TOMM20L: variants seen among roughly 807,000 people sequenced by gnomAD.
The protein encoded by TOMM20L is translocase of outer mitochondrial membrane 20 like, also known as TOMM20-like protein 1.
In TOMM20L, 19 loss-of-function variants were observed where a neutral mutation model predicts 20.4. That is an observed-to-expected ratio of 0.93 (90% CI 0.65 to 1.36). The LOEUF is 1.36. TOMM20L is among the 40% of genes most tolerant of loss of function. The pLI, the probability that TOMM20L is intolerant of heterozygous loss-of-function variation, is 0.00. For missense variants in TOMM20L, 218 were observed against 203.7 expected (o/e 1.07, Z -0.43); for synonymous variants, 75 against 79.6 (o/e 0.94, Z 0.30).
At chr14:58,398,204 AATT>A (rs1453395599) in intron 2 of TOMM20L, among the ~76,000 whole-genome samples, 1 of 152,154 alleles carries the variant, frequency 6.6e-6, no homozygotes, top group East Asian at 1.9e-4. Context: ...ACATTTGTGT[AATT>A]ATTTGATTAA....
intron 2 of TOMM20L, among the ~76,000 whole-genome samples, chr14:58,400,160 C>T (rs1944965101): frequency 6.6e-6 from 1 of 151,884 alleles, no homozygotes; most frequent in African/African-American, 2.4e-5. Flanking sequence ...AATCCCAGCA[C>T]TTTGAGAGGC....
At chr14:58,416,114 GC>G in the TOMM20L span, among the ~76,000 whole-genome samples, 4 of 151,698 alleles carry the variant, frequency 2.6e-5, no homozygotes, top group African/African-American at 9.7e-5. Context: ...TGTAATCCCA[GC>G]TACTCAGGTG....
At chr14:58,396,427 C>A in intron 2 of TOMM20L, 86 bp downstream of exon 2, 1 of 1,487,720 alleles carries the variant, frequency 6.7e-7, no homozygotes, top group Non-Finnish European at 9.2e-7. Flanking sequence ...GGCTCGGCAG[C>A]AGGTAGTTAG....
the TOMM20L span, among the ~76,000 whole-genome samples, chr14:58,413,837 C>T: frequency 1.2e-4 from 18 of 151,264 alleles, 1 homozygote; most frequent in African/African-American, 4.1e-4. Context: ...GAAACCCCGT[C>T]TTTACTAAAA....
In TOMM20L at chr14:58,408,667, TTTTAC is replaced by T. The variant is rs1369815615; in HGVS notation, c.*89_*93del. On this transcript the variant is annotated 3_prime_UTR_variant, in exon 5 of 5. Transcript: ENST00000360945. ...AACTGCTCAGTGATATTTCCATTTA[TTTTAC>T]TTTGAGTAATAAAAATTTTTCTATC... is the stretch of plus-strand genomic sequence containing the variant. 16 of 1,364,044 alleles carry T rather than the reference TTTTAC, an allele frequency of 1.2e-5. No individual in the cohort carries two copies. The highest frequency in any genetic ancestry group is 1.8e-4 in the Middle Eastern group (1 of 5,432). The allele number at this position is 1,364,044 out of a possible 1,614,324, so 84.5% of individuals were successfully genotyped here.
At chr14:58,413,980 C>A in the TOMM20L span, among the ~76,000 whole-genome samples, 1 of 108,990 alleles carries the variant, frequency 9.2e-6, no homozygotes, top group Non-Finnish European at 1.7e-5. Flanking sequence ...GCACTCCGGC[C>A]TGGGTGACAG....
Position 58,395,947 on chromosome 14 carries a change from C to A in TOMM20L, c.-11C>A. ...CGCCCAACGCTCGGCTTGTGGGACG[C>A]CCGCGGTCGGATGCCCTCCGTCCGC... On this transcript the variant is annotated 5_prime_UTR_variant, in exon 1 of 5. Coordinates refer to ENST00000360945, the MANE Select transcript of TOMM20L (RefSeq NM_207377.3). The A allele has an allele frequency of 7.2e-7, 1 of 1,385,016 alleles. No homozygotes were observed. The highest frequency in any genetic ancestry group is 9.4e-7 in the Non-Finnish European group (1 of 1,063,712). The allele number at this position is 1,385,016 out of a possible 1,614,324, so 85.8% of individuals were successfully genotyped here. A position where few individuals can be genotyped will look rare whatever the true frequency, so the allele number is the denominator to read the frequency against.
At chr14:58,412,659 G>T (rs1193111095), downstream of TOMM20L, among the ~76,000 whole-genome samples, 1 of 152,140 alleles carries the variant, frequency 6.6e-6, no homozygotes. Context: ...CCAGCACTTT[G>T]GGAGGCCAAG....
intron 3 of TOMM20L, among the ~76,000 whole-genome samples, chr14:58,406,532 C>T (rs1212715057): frequency 6.6e-6 from 1 of 152,126 alleles, no homozygotes; most frequent in Admixed American, 6.6e-5. Flanking sequence ...TATTTCAACT[C>T]CTGTGATTAC....
At chr14:58,400,243 T>TA in intron 2 of TOMM20L, among the ~76,000 whole-genome samples, 1 of 151,476 alleles carries the variant, frequency 6.6e-6, no homozygotes, top group Non-Finnish European at 1.5e-5. Context: ...CCATCTCTAC[T>TA]AAAAATGCAA....
chr14:58,407,753 G>C (rs1221463533), intron 4 of TOMM20L, among the ~76,000 whole-genome samples: 2 of 152,110 alleles, frequency 1.3e-5, no homozygotes, highest in African/African-American at 2.4e-5. Flanking sequence ...AATCACTTTG[G>C]TAAATTTAAA....
At position 58,395,935 on chromosome 14, in the gene TOMM20L, G is replaced by A; in HGVS notation, c.-23G>A. ...CCGGCCGGCCCGCGCCCAACGCTCG[G>A]CTTGTGGGACGCCCGCGGTCGGATG... On this transcript the variant is annotated 5_prime_UTR_variant, in exon 1 of 5. Transcript: ENST00000360945. 1.5e-6 allele frequency: 2 copies of A among 1,349,712 alleles called. No individual in the cohort carries two copies. Among genetic ancestry groups the A allele is most frequent in the African/African-American group, 1.5e-5 (1 of 65,910 alleles). 83.6% of individuals were successfully genotyped at this position (1,349,712 alleles called of 1,614,324 possible).
At chr14:58,401,367 C>G (rs959746267) in intron 2 of TOMM20L, among the ~76,000 whole-genome samples, 1 of 151,916 alleles carries the variant, frequency 6.6e-6, no homozygotes, top group Non-Finnish European at 1.5e-5. Flanking sequence ...GTCAGGAGAT[C>G]GAGACCATCC....
chr14:58,397,339 G>A (rs1286232663), intron 2 of TOMM20L, among the ~76,000 whole-genome samples: 4 of 152,174 alleles, frequency 2.6e-5, no homozygotes, highest in Admixed American at 2.6e-4. Context: ...TAGAACATGT[G>A]CCCATGTGGA....
chr14:58,403,140 T>C (rs1026344442), intron 3 of TOMM20L, among the ~76,000 whole-genome samples: 2 of 152,134 alleles, frequency 1.3e-5, no homozygotes, highest in African/African-American at 2.4e-5. Context: ...GAGGATTGCT[T>C]GAGGCCAACA....
chr14:58,396,842 C>T (rs1364268613), intron 2 of TOMM20L, among the ~76,000 whole-genome samples: 2 of 152,134 alleles, frequency 1.3e-5, no homozygotes, highest in African/African-American at 2.4e-5. Flanking sequence ...CGCCTGTAAT[C>T]CCAGCACTTT....
In TOMM20L at chr14:58,407,262, A is replaced by G. The variant is rs907541553; in HGVS notation, c.263-64A>G. On this transcript the variant is annotated intron_variant, in intron 3 of 4. Coordinates refer to ENST00000360945, the MANE Select transcript of TOMM20L (RefSeq NM_207377.3). ...TTTTTAATGCTTGTTGCTTTCTTGGATTTGTAGAATGTCTGTTTTAAAGAA... is the reference window on the plus strand; with the variant it reads ...TTTTTAATGCTTGTTGCTTTCTTGGGTTTGTAGAATGTCTGTTTTAAAGAA... The G allele has an allele frequency of 2.0e-6, 3 of 1,479,910 alleles. No homozygotes were observed. The African/African-American group carries it at 4.3e-5, about 21-fold the overall frequency. The allele number at this position is 1,479,910 out of a possible 1,614,324, so 91.7% of individuals were successfully genotyped here. A position where few individuals can be genotyped will look rare whatever the true frequency, so the allele number is the denominator to read the frequency against.
downstream of TOMM20L, chr14:58,410,876 T>C: frequency 6.2e-7 from 1 of 1,613,222 alleles, no homozygotes; most frequent in African/African-American, 1.3e-5. Context: ...TTGTGAAGTC[T>C]TTAACACAGT....
At chr14:58,410,017 C>T (rs1451591175), downstream of TOMM20L, among the ~76,000 whole-genome samples, 1 of 152,154 alleles carries the variant, frequency 6.6e-6, no homozygotes, top group East Asian at 1.9e-4. Flanking sequence ...AGGCACACAC[C>T]ACCACGCCTG....
Sources: allele counts gnomAD v4.1 joint callset (sites outside exome capture counted in the v4.1 genomes callset), GRCh38; gene constraint gnomAD v4.1.1; transcripts MANE v1.5; gene names NCBI Gene and HGNC (gene_info 2026-07-23, HGNC 2026-07-21).